Variants in SEMA4F observed in about 807,000 individuals in gnomAD.
SEMA4F encodes semaphorin-4F.
A neutral mutation model predicts 78.4 loss-of-function variants in SEMA4F; 51 were observed. The observed-to-expected ratio is 0.65, with a 90% confidence interval of 0.52 to 0.82. SEMA4F has a LOEUF of 0.82. Among genes scored for constraint, SEMA4F ranks in the 40% least tolerant of loss-of-function variants. The pLI is 0.00. For missense variants in SEMA4F, 938 were observed against 1,014.4 expected, an observed-to-expected ratio of 0.92 and a Z score of 1.02; for synonymous variants, 418 against 408.7, an observed-to-expected ratio of 1.02 and a Z score of -0.27.
the SEMA4F span, among the ~76,000 whole-genome samples, chr2:74,698,863 C>A: frequency 6.6e-6 from 1 of 152,214 alleles, no homozygotes; most frequent in Non-Finnish European, 1.5e-5. Context: ...AAACCAATGC[C>A]CAATTAATAA....
chr2:74,673,492 C>T lies in SEMA4F; in HGVS notation c.586C>T (p.Leu196=). ...CTATGCTGCCACTGTGAAAAACTACCTGGGGACGGAGCCAATTATCACCAG... is the reference window on the plus strand; with the variant it reads ...CTATGCTGCCACTGTGAAAAACTACTTGGGGACGGAGCCAATTATCACCAG... ...VLYAATVKNY[L]GTEPIITRAV... is the part of the protein sequence containing the mutation. The change falls in exon 6 of 14, where the codon CTG becomes TTG. Residue 196 remains leucine, a synonymous_variant. Coordinates refer to ENST00000357877, the MANE Select transcript of SEMA4F (RefSeq NM_004263.5). 1 of 1,614,154 alleles carries T rather than the reference C, an allele frequency of 6.2e-7. No individual in the cohort carries two copies.
At chr2:74,684,255 C>T (rs1685761841), downstream of SEMA4F, among the ~76,000 whole-genome samples, 1 of 152,162 alleles carries the variant, frequency 6.6e-6, no homozygotes, top group Admixed American at 6.5e-5. Context: ...CATGCTACCT[C>T]TACAAAGGTT....
Position 74,654,253 on chromosome 2 carries a change from T to A in SEMA4F, c.-124T>A. The A allele has an allele frequency of 1.7e-6, 2 of 1,154,000 alleles. No individual in the cohort carries two copies. Among genetic ancestry groups the A allele is most frequent in the Non-Finnish European group, 2.3e-6 (2 of 882,510 alleles). 71.5% of individuals were successfully genotyped at this position (1,154,000 alleles called of 1,614,324 possible). On this transcript the variant is annotated 5_prime_UTR_variant, in exon 1 of 14. Transcript: ENST00000357877. ...GGGGGCGGAGCCGGGCGGTGTTTCATCCCTCAGCCTCAGGCTGAGCCGGAC... is the reference window on the plus strand; with the variant it reads ...GGGGGCGGAGCCGGGCGGTGTTTCAACCCTCAGCCTCAGGCTGAGCCGGAC...
the SEMA4F span, among the ~76,000 whole-genome samples, chr2:74,694,569 C>T: frequency 6.6e-6 from 1 of 152,224 alleles, no homozygotes; most frequent in African/African-American, 2.4e-5. Flanking sequence ...TATTCCCAGT[C>T]ATTCCCAGCT....
intron 5 of SEMA4F, among the ~76,000 whole-genome samples, chr2:74,665,339 C>T (rs1055237180): frequency 6.6e-6 from 1 of 151,090 alleles, no homozygotes; most frequent in African/African-American, 2.4e-5. Flanking sequence ...ACACCATTCT[C>T]CTGCCTCAGC....
chr2:74,702,478 G>T, the SEMA4F span, among the ~76,000 whole-genome samples: 1 of 152,122 alleles, frequency 6.6e-6, no homozygotes, highest in African/African-American at 2.4e-5. Flanking sequence ...TAGTTCTTTT[G>T]TTAGTATGGA....
the SEMA4F span, among the ~76,000 whole-genome samples, chr2:74,692,615 G>C: frequency 6.6e-6 from 1 of 152,244 alleles, no homozygotes; most frequent in East Asian, 1.9e-4. Context: ...AGAGGGCTGG[G>C]AGTTCTTTGC....
At chr2:74,672,777 G>A (rs1191453552) in intron 5 of SEMA4F, among the ~76,000 whole-genome samples, 1 of 152,074 alleles carries the variant, frequency 6.6e-6, no homozygotes, top group Non-Finnish European at 1.5e-5. Flanking sequence ...ATTCCTTGTT[G>A]TTTCTCCTGG....
At chr2:74,674,075 G>T (rs998158812) in intron 7 of SEMA4F, among the ~76,000 whole-genome samples, 1 of 152,190 alleles carries the variant, frequency 6.6e-6, no homozygotes, top group Admixed American at 6.5e-5. Flanking sequence ...TTAAAGGGAG[G>T]AACTGGTGAC....
At chr2:74,688,798 A>T (rs1478562150), downstream of SEMA4F, among the ~76,000 whole-genome samples, 1 of 152,234 alleles carries the variant, frequency 6.6e-6, no homozygotes, top group African/African-American at 2.4e-5. Flanking sequence ...GGACAAATTG[A>T]ATTTTATGTA....
intron 5 of SEMA4F, among the ~76,000 whole-genome samples, chr2:74,669,575 ACT>A (rs1209854774): frequency 6.6e-5 from 10 of 151,246 alleles, no homozygotes; most frequent in Non-Finnish European, 1.0e-4. Flanking sequence ...ACGGAGCTAG[ACT>A]CTGTCTCAAA....
At chr2:74,699,205 A>G in the SEMA4F span, among the ~76,000 whole-genome samples, 2 of 152,166 alleles carry the variant, frequency 1.3e-5, no homozygotes, top group Admixed American at 6.5e-5. Context: ...AGCTACTCTG[A>G]CTTCCAAAGG....
intron 4 of SEMA4F, among the ~76,000 whole-genome samples, chr2:74,660,673 G>T (rs891551607): frequency 6.6e-5 from 10 of 152,196 alleles, no homozygotes; most frequent in Non-Finnish European, 1.0e-4. Flanking sequence ...ATGTCATTTT[G>T]ACCATGCAAT....
chr2:74,664,656 T>G (rs1311222106), intron 5 of SEMA4F, among the ~76,000 whole-genome samples: 1 of 152,204 alleles, frequency 6.6e-6, no homozygotes, highest in Non-Finnish European at 1.5e-5. Context: ...TTTAAAAAAA[T>G]CTTTGCTATT....
the SEMA4F span, among the ~76,000 whole-genome samples, chr2:74,701,613 G>T: frequency 6.6e-6 from 1 of 152,156 alleles, no homozygotes; most frequent in Admixed American, 6.5e-5. Flanking sequence ...AGCACCTCTC[G>T]TTGTTTGTAG....
chr2:74,670,917 G>A (rs1292942662), intron 5 of SEMA4F, among the ~76,000 whole-genome samples: 1 of 151,884 alleles, frequency 6.6e-6, no homozygotes, highest in African/African-American at 2.4e-5. Flanking sequence ...CAAGCATATG[G>A]CCCTTTGAAG....
chr2:74,663,890 A>T (rs937344489), intron 5 of SEMA4F, among the ~76,000 whole-genome samples: 2 of 152,238 alleles, frequency 1.3e-5, no homozygotes, highest in Non-Finnish European at 2.9e-5. Context: ...ACCCATGTAC[A>T]TTCATGCACA....
At chr2:74,655,272 A>G in intron 1 of SEMA4F, 1 of 395,268 alleles carries the variant, frequency 2.5e-6, no homozygotes, top group Non-Finnish European at 5.2e-6. Context: ...TCAAGTCTTC[A>G]GAAGGAAAAA....
chr2:74,695,342 C>T, the SEMA4F span, among the ~76,000 whole-genome samples: 2 of 152,190 alleles, frequency 1.3e-5, no homozygotes, highest in Non-Finnish European at 2.9e-5. Flanking sequence ...ACAATGATCT[C>T]CTTTGCACAA....
Sources: allele counts gnomAD v4.1 joint callset (sites outside exome capture counted in the v4.1 genomes callset), GRCh38; gene constraint gnomAD v4.1.1; transcripts MANE v1.5; gene names NCBI Gene and HGNC (gene_info 2026-07-23, HGNC 2026-07-21).